The following BBS9 variants were observed in gnomAD, a reference collection of about 807,000 sequenced individuals.
The protein encoded by BBS9 is Bardet-Biedl syndrome 9, also known as protein PTHB1.
BBS9 carries 89 observed loss-of-function variants against 117.7 expected under a neutral mutation model. That is an observed-to-expected ratio of 0.76 (90% confidence interval 0.64 to 0.90). The LOEUF (loss-of-function observed/expected upper bound fraction) is 0.90. BBS9 is among the 40% of genes least tolerant of loss of function. The probability of loss-of-function intolerance (pLI) is 0.00; values close to 1 mark genes in which losing one functional copy is unlikely to be tolerated. For missense variants in BBS9, 982 were observed against 1,042.2 expected, an observed-to-expected ratio of 0.94 and a Z score of 0.80; for synonymous variants, 379 against 370.9, an observed-to-expected ratio of 1.02 and a Z score of -0.25.
chr7:33,320,807 G>C (rs1056300228), intron 9 of BBS9, among the ~76,000 whole-genome samples: 1 of 151,714 alleles, frequency 6.6e-6, no homozygotes, highest in African/African-American at 2.4e-5. Flanking sequence ...ATTATATCTC[G>C]TTGTAGTCCT....
intron 19 of BBS9, among the ~76,000 whole-genome samples, chr7:33,392,124 T>C (rs1827174356): frequency 6.6e-6 from 1 of 152,256 alleles, no homozygotes; most frequent in Non-Finnish European, 1.5e-5. Context: ...CCCCTGCTTA[T>C]CGCATATTCC....
At chr7:33,586,613 A>G (rs1046057340) in intron 21 of BBS9, among the ~76,000 whole-genome samples, 3 of 152,112 alleles carry the variant, frequency 2.0e-5, no homozygotes, top group African/African-American at 4.8e-5. Flanking sequence ...TCGCAGTGCT[A>G]TTCACGGTAG....
intron 5 of BBS9, among the ~76,000 whole-genome samples, chr7:33,215,870 T>C (rs1401245312): frequency 6.6e-6 from 1 of 152,186 alleles, no homozygotes; most frequent in Non-Finnish European, 1.5e-5. Context: ...AGATTAAACA[T>C]GTAAAAATAT....
intron 19 of BBS9, among the ~76,000 whole-genome samples, chr7:33,452,395 C>T (rs1010494641): frequency 1.2e-4 from 18 of 152,124 alleles, no homozygotes; most frequent in African/African-American, 4.3e-4. Context: ...TCACCAAGAA[C>T]TACAGCTTTT....
At chr7:33,227,107 C>T (rs991683259) in intron 5 of BBS9, among the ~76,000 whole-genome samples, 1 of 151,808 alleles carries the variant, frequency 6.6e-6, no homozygotes, top group African/African-American at 2.4e-5. Flanking sequence ...TTTCAAAAAG[C>T]TGTGTCAAGA....
intron 19 of BBS9, among the ~76,000 whole-genome samples, chr7:33,502,426 A>C (rs1024425922): frequency 3.9e-5 from 6 of 152,220 alleles, no homozygotes; most frequent in Non-Finnish European, 8.8e-5. Flanking sequence ...CCCATTGCAA[A>C]GTGTTTCCAA....
At chr7:33,441,288 AAAAAT>A (rs1291077797) in intron 19 of BBS9, among the ~76,000 whole-genome samples, 16 of 147,146 alleles carry the variant, frequency 1.1e-4, no homozygotes, top group Middle Eastern at 6.8e-3. Flanking sequence ...GCCAAAAAAA[AAAAAT>A]AAAATAAAAG....
chr7:33,462,324 G>C (rs1475256929), intron 19 of BBS9, among the ~76,000 whole-genome samples: 1 of 152,016 alleles, frequency 6.6e-6, no homozygotes, highest in African/African-American at 2.4e-5. Flanking sequence ...TCATTTCATT[G>C]ATTGAGGAAA....
chr7:33,633,625 T>C (rs767158649), intron 21 of BBS9, among the ~76,000 whole-genome samples: 5 of 151,984 alleles, frequency 3.3e-5, no homozygotes, highest in African/African-American at 4.8e-5. Context: ...CGGGTTTTAC[T>C]GCAGGTAGTG....
intron 21 of BBS9, 53 bp from the exon 22 acceptor site, chr7:33,604,812 G>A (rs957276206): frequency 8.1e-7 from 1 of 1,233,272 alleles, no homozygotes; most frequent in African/African-American, 1.5e-5. Flanking sequence ...GCTGTGTAGA[G>A]AGGCAGATTT....
chr7:33,426,980 T>C (rs1453422699), intron 19 of BBS9, among the ~76,000 whole-genome samples: 14 of 152,208 alleles, frequency 9.2e-5, no homozygotes, highest in Admixed American at 9.2e-4. Flanking sequence ...TACTATCTAG[T>C]ACAACAAACA....
intron 4 of BBS9, among the ~76,000 whole-genome samples, chr7:33,170,924 C>A (rs1445245063): frequency 1.3e-5 from 2 of 151,214 alleles, no homozygotes; most frequent in Non-Finnish European, 3.0e-5. Context: ...TCAAGGAGAA[C>A]TACAAACCAC....
At chr7:33,457,382 G>A (rs1373560073) in intron 19 of BBS9, among the ~76,000 whole-genome samples, 1 of 152,112 alleles carries the variant, frequency 6.6e-6, no homozygotes, top group Non-Finnish European at 1.5e-5. Flanking sequence ...AGGATAGGAA[G>A]ATTTCAGGAC....
At chr7:33,573,451 A>G (rs1858183088) in intron 21 of BBS9, among the ~76,000 whole-genome samples, 1 of 152,086 alleles carries the variant, frequency 6.6e-6, no homozygotes, top group African/African-American at 2.4e-5. Flanking sequence ...GTAACAGTGT[A>G]CCCTAGATAT....
At position 33,269,136 on chromosome 7, in the gene BBS9, C is replaced by T. The variant is rs561519778; in HGVS notation, c.703-3876C>T. 5.9e-5 allele frequency among the ~76,000 whole-genome samples: 9 copies of T among 152,270 alleles called. No homozygotes were observed. The East Asian group carries it at 1.5e-3, about 26-fold the overall frequency. On this transcript the variant is annotated intron_variant, in intron 7 of 22. Transcript: ENST00000242067. ...CAATATTTGCCTTTCTGGCCAGCCCCATTTGGATTTTATACCTTCTTCAAA... is the reference window on the plus strand; with the variant it reads ...CAATATTTGCCTTTCTGGCCAGCCCTATTTGGATTTTATACCTTCTTCAAA...
intron 5 of BBS9, among the ~76,000 whole-genome samples, chr7:33,193,928 C>T (rs1784554501): frequency 1.3e-5 from 2 of 152,104 alleles, no homozygotes; most frequent in Admixed American, 1.3e-4. Context: ...TTCCATTCGC[C>T]ACCCCCTACT....
intron 20 of BBS9, among the ~76,000 whole-genome samples, chr7:33,528,030 A>G (rs1849921060): frequency 6.6e-6 from 1 of 152,206 alleles, no homozygotes; most frequent in Non-Finnish European, 1.5e-5. Context: ...TCTAATAAGT[A>G]TTTAGATATA....
chr7:33,299,921 C>G (rs1396466929), intron 9 of BBS9, among the ~76,000 whole-genome samples: 1 of 152,088 alleles, frequency 6.6e-6, no homozygotes, highest in Non-Finnish European at 1.5e-5. Context: ...ACCTTCCATG[C>G]TATAAATTGG....
chr7:33,338,933 A>C (rs538803963), intron 10 of BBS9, among the ~76,000 whole-genome samples: 7 of 152,336 alleles, frequency 4.6e-5, no homozygotes, highest in African/African-American at 1.7e-4. Context: ...GACAGAGAGC[A>C]GTAAGACGTG....
Sources: allele counts gnomAD v4.1 joint callset (sites outside exome capture counted in the v4.1 genomes callset), GRCh38; gene constraint gnomAD v4.1.1; transcripts MANE v1.5; gene names NCBI Gene and HGNC (gene_info 2026-07-23, HGNC 2026-07-21).